The following ZNF704 variants were observed in gnomAD, a reference collection of about 807,000 sequenced individuals.
ZNF704 encodes the protein glucocorticoid induced gene 1.
In ZNF704, 10 loss-of-function variants were observed where a neutral mutation model predicts 44.7. The ratio of observed to expected loss-of-function variants is 0.22; its 90% CI spans 0.14 to 0.38. The LOEUF (loss-of-function observed/expected upper bound fraction) is 0.38. ZNF704 is among the 10% of genes least tolerant of loss of function. The pLI is 1.00. For missense variants in ZNF704, 390 were observed against 545.5 expected, an observed-to-expected ratio of 0.71 and a Z score of 2.84; for synonymous variants, 211 against 207.6, an observed-to-expected ratio of 1.02 and a Z score of -0.14.
rs567821667 is a variant in ZNF704 at position 80,700,851 on chromosome 8, C to T, written c.222-7744G>A. On this transcript the variant is annotated intron_variant, in intron 2 of 8. Coordinates refer to ENST00000327835, the MANE Select transcript of ZNF704 (RefSeq NM_001033723.3). ...GCACACACCTGGATTTTGGCGGTCA[C>T]TTGCCATTGCCCCACTTCAACTCCC... Among the ~76,000 whole-genome samples the T allele has an allele frequency of 4.6e-4, 70 of 152,290 alleles. 1 individual carries two copies. The South Asian group carries it at 0.015, about 32-fold the overall frequency.
At chr8:80,868,518 C>T (rs907920647) in intron 1 of ZNF704, among the ~76,000 whole-genome samples, 3 of 152,220 alleles carry the variant, frequency 2.0e-5, no homozygotes, top group African/African-American at 7.2e-5. Flanking sequence ...TGAGCCCATG[C>T]TCCCCACTTG....
chr8:80,870,191 T>A (rs190880242), intron 1 of ZNF704, among the ~76,000 whole-genome samples: 115 of 151,118 alleles, frequency 7.6e-4, no homozygotes, highest in African/African-American at 2.7e-3. Flanking sequence ...CAAAAAAAAA[T>A]TTGTAGTAAT....
intron 7 of ZNF704, among the ~76,000 whole-genome samples, chr8:80,650,592 G>A (rs564028249): frequency 1.3e-5 from 2 of 152,278 alleles, no homozygotes; most frequent in Non-Finnish European, 2.9e-5. Flanking sequence ...TGAATGAAAG[G>A]AAGTGAGAAG....
At chr8:80,858,832 T>C (rs144193270) in intron 1 of ZNF704, among the ~76,000 whole-genome samples, 1 of 152,362 alleles carries the variant, frequency 6.6e-6, no homozygotes, top group Non-Finnish European at 1.5e-5. Flanking sequence ...CTACATGATA[T>C]GATTTCAATT....
At chr8:80,829,303 T>TG (rs1246120772) in intron 1 of ZNF704, among the ~76,000 whole-genome samples, 1 of 152,038 alleles carries the variant, frequency 6.6e-6, no homozygotes, top group Non-Finnish European at 1.5e-5. Context: ...TGCCTGGAGG[T>TG]GGGGGGAGAG....
At chr8:80,834,102 GAGGATCACT>G (rs1434052738) in intron 1 of ZNF704, among the ~76,000 whole-genome samples, 1 of 152,118 alleles carries the variant, frequency 6.6e-6, no homozygotes, top group Non-Finnish European at 1.5e-5. Flanking sequence ...GCTGGGGTGG[GAGGATCACT>G]AGAGCCCAGG....
intron 2 of ZNF704, among the ~76,000 whole-genome samples, chr8:80,753,932 G>A (rs1283371169): frequency 2.0e-5 from 3 of 152,090 alleles, no homozygotes; most frequent in Non-Finnish European, 4.4e-5. Flanking sequence ...TGAACATCTA[G>A]CGTCTGGGAA....
At chr8:80,666,177 A>C (rs1205023300) in intron 5 of ZNF704, among the ~76,000 whole-genome samples, 1 of 131,110 alleles carries the variant, frequency 7.6e-6, no homozygotes, top group African/African-American at 2.9e-5. Context: ...ATGTGATCTC[A>C]TTGTTCAATT....
intron 2 of ZNF704, among the ~76,000 whole-genome samples, chr8:80,802,521 A>G (rs540423699): frequency 4.5e-4 from 68 of 152,374 alleles, no homozygotes; most frequent in African/African-American, 1.6e-3. Context: ...TGCAGGATGC[A>G]AGGTCGGTTC....
chr8:80,816,644 G>C (rs949843606), intron 2 of ZNF704, among the ~76,000 whole-genome samples: 1 of 152,138 alleles, frequency 6.6e-6, no homozygotes, highest in Non-Finnish European at 1.5e-5. Flanking sequence ...TTTAGTACTT[G>C]TTACCCCCAA....
rs1288924257 is a variant in ZNF704, at chr8:80,640,093, T to TA, written c.*1272dup. 1 of 152,658 alleles carries TA rather than the reference T, an allele frequency of 6.6e-6. No homozygotes were observed. Among genetic ancestry groups the TA allele is most frequent in the African/African-American group, 2.4e-5 (1 of 41,456 alleles). 9.5% of individuals were successfully genotyped at this position (152,658 alleles called of 1,614,324 possible). On this transcript the variant is annotated 3_prime_UTR_variant, in exon 9 of 9. Transcript: ENST00000327835. ...TACTAAACTGAGAAATTCCTATACC[T>TA]ACATGCATTTTCCTTTTGGCGTTAT...
intron 2 of ZNF704, among the ~76,000 whole-genome samples, chr8:80,758,424 A>G (rs1807073744): frequency 1.3e-5 from 2 of 152,178 alleles, no homozygotes; most frequent in Non-Finnish European, 2.9e-5. Flanking sequence ...AGGTCATTAT[A>G]TATCATCTGG....
intron 2 of ZNF704, among the ~76,000 whole-genome samples, chr8:80,750,325 A>C (rs971601478): frequency 2.0e-5 from 3 of 149,570 alleles, no homozygotes; most frequent in African/African-American, 5.0e-5. Flanking sequence ...TGCAAGTCAC[A>C]TATGTAATTC....
intron 2 of ZNF704, among the ~76,000 whole-genome samples, chr8:80,798,602 G>A (rs4308687): frequency 0.5 from 76,006 of 151,868 alleles, 21,507 homozygotes; most frequent in African/African-American, 0.79. Flanking sequence ...CACTTACCCA[G>A]TCTCTAAGAA....
At chr8:80,714,597 C>T (rs1819042914) in intron 2 of ZNF704, among the ~76,000 whole-genome samples, 1 of 152,186 alleles carries the variant, frequency 6.6e-6, no homozygotes, top group South Asian at 2.1e-4. Context: ...CTCCTCCGGC[C>T]TCCTTTGTGT....
intron 2 of ZNF704, among the ~76,000 whole-genome samples, chr8:80,757,736 T>C (rs1255578712): frequency 6.6e-6 from 1 of 152,200 alleles, no homozygotes; most frequent in Non-Finnish European, 1.5e-5. Flanking sequence ...CGTACCTTTT[T>C]AATGTTTAGA....
intron 4 of ZNF704, among the ~76,000 whole-genome samples, chr8:80,685,965 C>A (rs183578900): frequency 6.6e-6 from 1 of 152,184 alleles, no homozygotes; most frequent in East Asian, 1.9e-4. Flanking sequence ...GCTACCAATA[C>A]AACATTTAAA....
At chr8:80,883,245 CAA>C in the ZNF704 span, among the ~76,000 whole-genome samples, 168 of 83,428 alleles carry the variant, frequency 2.0e-3, 1 homozygote, top group Middle Eastern at 6.3e-3. Flanking sequence ...GACACCCTCT[CAA>C]AAAAAAAAAA....
intron 2 of ZNF704, among the ~76,000 whole-genome samples, chr8:80,757,809 G>A (rs574691279): frequency 5.9e-5 from 9 of 152,196 alleles, no homozygotes; most frequent in Non-Finnish European, 1.0e-4. Context: ...ACAATAACAC[G>A]CTGTACAAGT....
Sources: allele counts gnomAD v4.1 joint callset (sites outside exome capture counted in the v4.1 genomes callset), GRCh38; gene constraint gnomAD v4.1.1; transcripts MANE v1.5; gene names NCBI Gene and HGNC (gene_info 2026-07-23, HGNC 2026-07-21).